The following RORC variants were observed in gnomAD, a reference collection of about 807,000 sequenced individuals.
The protein encoded by RORC is RAR related orphan receptor C, also known as nuclear receptor ROR-gamma.
RORC carries 13 observed loss-of-function variants against 64.5 expected under a neutral mutation model. The ratio of observed to expected loss-of-function variants is 0.20; its 90% CI spans 0.13 to 0.32. The LOEUF (loss-of-function observed/expected upper bound fraction) is 0.32. Among genes scored for constraint, RORC ranks in the 10% least tolerant of loss-of-function variants. The probability of loss-of-function intolerance (pLI) is 1.00; values close to 1 mark genes in which losing one functional copy is unlikely to be tolerated. For synonymous variants in RORC, 277 were observed against 259.3 expected (o/e 1.07, Z -0.65); for missense variants, 468 against 669.5 (o/e 0.70, Z 3.32).
rs1382653084 is a variant in RORC at position 151,809,048 on chromosome 1, A to G, written c.1396-1415T>C. Among the ~76,000 whole-genome samples, 3 of 152,216 alleles carry G rather than the reference A, an allele frequency of 2.0e-5. No individual in the cohort carries two copies. In the East Asian group the frequency reaches 5.8e-4, roughly 29 times the overall value. On this transcript the variant is annotated intron_variant, in intron 10 of 10. Coordinates refer to ENST00000318247, the MANE Select transcript of RORC (RefSeq NM_005060.4). The stretch of plus-strand genomic sequence containing the variant: ...GGATCATGTTATGAGCCACTTGACC[A>G]TGACGCAGACTCTAGATTTGATTCT...
intron 2 of RORC, among the ~76,000 whole-genome samples, chr1:151,821,312 C>T (rs527280599): frequency 2.0e-5 from 3 of 152,186 alleles, no homozygotes; most frequent in East Asian, 1.9e-4. Context: ...ACCACCCCCC[C>T]ACCATCATGG....
At chr1:151,831,167 G>C in intron 1 of RORC, 1 of 1,231,978 alleles carries the variant, frequency 8.1e-7, no homozygotes. Flanking sequence ...CTGGGTGAGT[G>C]GCGAGGAAAG....
intron 9 of RORC, 26 bp downstream of exon 9, chr1:151,812,921 C>T: frequency 6.7e-7 from 1 of 1,483,060 alleles, no homozygotes; most frequent in Non-Finnish European, 9.4e-7. Context: ...CCTGAATGTC[C>T]TTCACCCAAG....
intron 2 of RORC, among the ~76,000 whole-genome samples, chr1:151,827,933 C>G (rs543519278): frequency 6.6e-6 from 1 of 152,066 alleles, no homozygotes; most frequent in Non-Finnish European, 1.5e-5. Context: ...CTACTCCCCC[C>G]ACCCACATAA....
chr1:151,811,508 T>C, intron 9 of RORC, 74 bp from the exon 10 acceptor site: 1 of 901,978 alleles, frequency 1.1e-6, no homozygotes. Context: ...AGGGTGTATC[T>C]TTGTGGACAT....
At chr1:151,812,697 C>T (rs1651588523) in intron 9 of RORC, 1 of 376,066 alleles carries the variant, frequency 2.7e-6, no homozygotes, top group African/African-American at 2.1e-5. Flanking sequence ...AGGAAAGTGG[C>T]TCATTTCCTC....
At chr1:151,827,652 G>C (rs750846691) in intron 2 of RORC, among the ~76,000 whole-genome samples, 2 of 152,214 alleles carry the variant, frequency 1.3e-5, no homozygotes, top group African/African-American at 4.8e-5. Context: ...AGAGGTGTCT[G>C]ATCTTGCTGG....
chr1:151,811,343 G>T lies in RORC; in HGVS notation c.1377C>A (p.Arg459=). ...CTCCTACCTTTGCCAGGATGCTTTGGCGATGAGTCTTGCAGAGATGATGAT... is the reference window on the plus strand; with the variant it reads ...CTCCTACCTTTGCCAGGATGCTTTGTCGATGAGTCTTGCAGAGATGATGAT... ...AFHHHLCKTH[R]QSILAKLPPK... The change falls in exon 10 of 11, where the codon CGC becomes CGA. Residue 459 remains arginine (R), a synonymous_variant. Coordinates refer to ENST00000318247, the MANE Select transcript of RORC (RefSeq NM_005060.4). The T allele has an allele frequency of 6.2e-7, 1 of 1,612,908 alleles. No homozygotes were observed. The highest frequency in any genetic ancestry group is 8.5e-7 in the Non-Finnish European group (1 of 1,178,972).
intron 2 of RORC, among the ~76,000 whole-genome samples, chr1:151,821,271 A>G (rs937989675): frequency 6.6e-6 from 1 of 151,998 alleles, no homozygotes; most frequent in African/African-American, 2.4e-5. Flanking sequence ...GCTGCAACCC[A>G]GGGGGATCTC....
At chr1:151,824,572 C>G (rs933994061) in intron 2 of RORC, among the ~76,000 whole-genome samples, 13 of 152,200 alleles carry the variant, frequency 8.5e-5, no homozygotes, top group Non-Finnish European at 7.3e-5. Flanking sequence ...CACCCCAGCT[C>G]ATATGCCTGC....
intron 2 of RORC, among the ~76,000 whole-genome samples, chr1:151,819,542 C>G (rs529008922): frequency 6.6e-6 from 1 of 152,256 alleles, no homozygotes; most frequent in South Asian, 2.1e-4. Flanking sequence ...CCAACGTGGG[C>G]CACCCAAAAA....
At position 151,815,076 on chromosome 1, in the gene RORC, GCT is replaced by G. The variant is rs771204914; in HGVS notation, c.646_647del (p.Ser216LeufsTer3). 1 of 1,614,246 alleles carries G rather than the reference GCT, an allele frequency of 6.2e-7. No individual in the cohort carries two copies. Among genetic ancestry groups the G allele is most frequent in the Admixed American group, 1.7e-5 (1 of 60,028 alleles). On this transcript the variant is annotated frameshift_variant, in exon 5 of 11. Coordinates refer to ENST00000318247, the MANE Select transcript of RORC (RefSeq NM_005060.4). LOFTEE classifies it high-confidence loss of function. The part of the protein sequence containing the change: ...PERGKAEGRE[S>X]FYSTGSQLTP... ...TCAGCTGGCTGCCTGTGCTATAGAA[GCT>G]CTCTCTGCCCTCAGCCTTGCCCCGC...
chr1:151,829,993 T>C (rs886767683), intron 1 of RORC, among the ~76,000 whole-genome samples: 9 of 152,186 alleles, frequency 5.9e-5, no homozygotes, highest in African/African-American at 1.4e-4. Context: ...TGTAATTTCA[T>C]TGGAGGTGCA....
chr1:151,816,631 G>A (rs1651762839), intron 4 of RORC, 33 bp downstream of exon 4: 3 of 1,582,408 alleles, frequency 1.9e-6, no homozygotes, highest in Non-Finnish European at 2.6e-6. Flanking sequence ...GAGACACCAG[G>A]AAAACCCCAG....
chr1:151,810,272 C>T (rs986493424), intron 10 of RORC, among the ~76,000 whole-genome samples: 1 of 152,034 alleles, frequency 6.6e-6, no homozygotes, highest in Admixed American at 6.6e-5. Context: ...CCTGGAATGC[C>T]TGCCCCACCC....
chr1:151,815,385 G>C lies in RORC; in HGVS notation c.339C>G (p.Ser113Arg), dbSNP rs534318743. The change falls in exon 5 of 11, where the codon AGC becomes AGG. Residue 113 changes from serine (S) to arginine (R), a missense_variant. Physicochemically the swap from Ser to Arg is moderately radical, Grantham distance 110. Around this residue, in one of 5 missense-constraint regions of RORC, gnomAD observed 241 missense variants for 295.5 expected, o/e 0.82. Transcript: ENST00000318247. ...FGRMSKKQRD[S>R]LHAEVQKQLQ... is the part of the protein sequence containing the mutation. The stretch of plus-strand genomic sequence containing the variant: ...GCTGTTTCTGCACTTCTGCATGCAG[G>C]CTGTCCCTCTGCTTCTTGGACATGC... The C allele has an allele frequency of 1.3e-6, 2 of 1,549,814 alleles. No individual in the cohort carries two copies. Among genetic ancestry groups the C allele is most frequent in the African/African-American group, 2.8e-5 (2 of 72,668 alleles).
At position 151,815,247 on chromosome 1, in the gene RORC, G is replaced by C; in HGVS notation, c.477C>G (p.Pro159=). The C allele has an allele frequency of 6.2e-7, 1 of 1,610,684 alleles. No individual in the cohort carries two copies. Among genetic ancestry groups the C allele is most frequent in the South Asian group, 1.1e-5 (1 of 90,906 alleles). ...YTLGLPDGQL[P]LGSSPDLPEA... Reference sequence around the variant, plus strand: ...CAGGCAGGTCAGGCGAGGAGCCCAGGGGCAGCTGCCCGTCTGGGAGCCCCA... The same window carrying C: ...CAGGCAGGTCAGGCGAGGAGCCCAGCGGCAGCTGCCCGTCTGGGAGCCCCA... The change falls in exon 5 of 11, where the codon CCC becomes CCG. Residue 159 remains proline, a synonymous_variant. Transcript: ENST00000318247.
At chr1:151,816,315 C>A (rs1225278268) in intron 4 of RORC, among the ~76,000 whole-genome samples, 1 of 152,334 alleles carries the variant, frequency 6.6e-6, no homozygotes, top group East Asian at 1.9e-4. Context: ...AGAGCTAGAA[C>A]TACAACAACA....
intron 3 of RORC, 99 bp from the exon 4 acceptor site, chr1:151,816,904 C>A: frequency 7.9e-7 from 1 of 1,272,448 alleles, no homozygotes. Flanking sequence ...TTTTCTACAT[C>A]CCACGACCTG....
Sources: gnomAD v4.1 joint callset for allele counts (sites outside exome capture counted in the v4.1 genomes callset) on GRCh38, gnomAD v4.1.1 for gene constraint, gnomAD v4.1.1 regional missense constraint, MANE v1.5 for transcripts, NCBI Gene and HGNC (gene_info 2026-07-23, HGNC 2026-07-21) for gene names.